LDB2: variants seen among roughly 807,000 people sequenced by gnomAD.
LDB2 encodes the protein LIM domain-binding protein 2.
LDB2 carries 12 observed loss-of-function variants against 44.3 expected under a neutral mutation model. The ratio of observed to expected loss-of-function variants is 0.27; its 90% CI spans 0.17 to 0.44. The LOEUF (loss-of-function observed/expected upper bound fraction) is 0.44, where lower values mean the gene tolerates loss of function less well. Among genes scored for constraint, LDB2 ranks in the 20% least tolerant of loss-of-function variants. The pLI is 1.00. For missense variants in LDB2, 344 were observed against 473.5 expected, an observed-to-expected ratio of 0.73 and a Z score of 2.54; for synonymous variants, 164 against 174.8, an observed-to-expected ratio of 0.94 and a Z score of 0.49.
At chr4:16,748,133 G>C (rs1764749126) in intron 2 of LDB2, among the ~76,000 whole-genome samples, 1 of 152,112 alleles carries the variant, frequency 6.6e-6, no homozygotes, top group Non-Finnish European at 1.5e-5. Flanking sequence ...TTATCACCAG[G>C]CTCCCAGGTG....
At chr4:16,548,805 A>G (rs1226542618) in intron 5 of LDB2, among the ~76,000 whole-genome samples, 2 of 152,244 alleles carry the variant, frequency 1.3e-5, no homozygotes, top group Non-Finnish European at 2.9e-5. Context: ...AACACCCTAC[A>G]GTCTGCTGAC....
intron 5 of LDB2, among the ~76,000 whole-genome samples, chr4:16,516,155 A>G (rs1723642309): frequency 6.6e-6 from 1 of 151,910 alleles, no homozygotes; most frequent in Non-Finnish European, 1.5e-5. Context: ...GTGAGCCACC[A>G]CGCCCAGCCT....
intron 2 of LDB2, among the ~76,000 whole-genome samples, chr4:16,688,146 T>TAA (rs1263374772): frequency 6.6e-6 from 1 of 152,206 alleles, no homozygotes; most frequent in African/African-American, 2.4e-5. Context: ...TGTTGGACCT[T>TAA]AAAGTTCGCA....
At chr4:16,606,705 C>T (rs10030983) in intron 2 of LDB2, among the ~76,000 whole-genome samples, 148,729 of 152,350 alleles carry the variant, frequency 0.98, 72,618 homozygotes, top group East Asian at 0.99. Context: ...CACTTGGCTG[C>T]ATGGAAAAAT....
intron 2 of LDB2, among the ~76,000 whole-genome samples, chr4:16,678,196 A>G (rs544064278): frequency 1.4e-4 from 22 of 152,368 alleles, no homozygotes; most frequent in Non-Finnish European, 2.6e-4. Flanking sequence ...TTTCTTGATT[A>G]TGAAGCATTT....
At chr4:16,743,662 G>T (rs1763795115) in intron 2 of LDB2, among the ~76,000 whole-genome samples, 1 of 151,948 alleles carries the variant, frequency 6.6e-6, no homozygotes, top group African/African-American at 2.4e-5. Flanking sequence ...GGGAGCAGTA[G>T]AAGACCTCCA....
chr4:16,870,158 T>C (rs1488438982), intron 1 of LDB2, among the ~76,000 whole-genome samples: 1 of 152,068 alleles, frequency 6.6e-6, no homozygotes, highest in Admixed American at 6.5e-5. Context: ...GAAGATGCCG[T>C]GGATTCAGTG....
At chr4:16,514,204 A>T (rs1487819854) in intron 5 of LDB2, among the ~76,000 whole-genome samples, 1 of 152,216 alleles carries the variant, frequency 6.6e-6, no homozygotes, top group Non-Finnish European at 1.5e-5. Flanking sequence ...TTGGGTCTTC[A>T]TTCTCAAGGC....
chr4:16,707,347 G>A (rs1296532113), intron 2 of LDB2, among the ~76,000 whole-genome samples: 1 of 151,994 alleles, frequency 6.6e-6, no homozygotes, highest in African/African-American at 2.4e-5. Context: ...CTAACCTTTA[G>A]AGCACAAAAT....
intron 5 of LDB2, 200 bp from the exon 6 acceptor site, chr4:16,512,304 T>C (rs1722039096): frequency 2.0e-6 from 1 of 507,034 alleles, no homozygotes; most frequent in Non-Finnish European, 3.4e-6. Context: ...TATAATATAT[T>C]ACAGCTGAAT....
At chr4:16,835,692 T>C (rs1000293547) in intron 1 of LDB2, among the ~76,000 whole-genome samples, 1 of 152,192 alleles carries the variant, frequency 6.6e-6, no homozygotes, top group Non-Finnish European at 1.5e-5. Context: ...TTAAAAGTGG[T>C]TTTACTATTT....
At chr4:16,650,101 TTA>T (rs1737852859) in intron 2 of LDB2, among the ~76,000 whole-genome samples, 3 of 152,188 alleles carry the variant, frequency 2.0e-5, no homozygotes, top group Admixed American at 2.0e-4. Context: ...GCAAGGAGTG[TTA>T]GAAGAAGAAT....
intron 5 of LDB2, among the ~76,000 whole-genome samples, chr4:16,564,559 T>A (rs1190495396): frequency 6.6e-6 from 1 of 152,206 alleles, no homozygotes; most frequent in Non-Finnish European, 1.5e-5. Context: ...CTTATTCAAC[T>A]TAATCATCAA....
chr4:16,554,022 C>T (rs1186009384), intron 5 of LDB2, among the ~76,000 whole-genome samples: 1 of 152,036 alleles, frequency 6.6e-6, no homozygotes, highest in African/African-American at 2.4e-5. Context: ...CCTGACATCC[C>T]ATTGGACGTA....
intron 5 of LDB2, among the ~76,000 whole-genome samples, chr4:16,532,626 C>T (rs772207601): frequency 6.6e-5 from 10 of 152,204 alleles, no homozygotes; most frequent in Admixed American, 1.3e-4. Flanking sequence ...CTTCTTAAAT[C>T]AGCTGCAAAT....
At chr4:16,662,818 A>G (rs1741986178) in intron 2 of LDB2, among the ~76,000 whole-genome samples, 1 of 151,544 alleles carries the variant, frequency 6.6e-6, no homozygotes. Flanking sequence ...TGGAAATGTG[A>G]GTCCATTATA....
intron 2 of LDB2, among the ~76,000 whole-genome samples, chr4:16,720,797 G>A (rs1396355538): frequency 3.9e-5 from 6 of 152,174 alleles, no homozygotes; most frequent in Admixed American, 6.5e-5. Context: ...GAATTACCAT[G>A]TTGCAGCAAA....
At chr4:16,610,546 G>A (rs1725320892) in intron 2 of LDB2, among the ~76,000 whole-genome samples, 1 of 152,086 alleles carries the variant, frequency 6.6e-6, no homozygotes, top group Non-Finnish European at 1.5e-5. Context: ...GAAACACACA[G>A]CATGAGAACA....
At chr4:16,880,517 C>T (rs1719745219) in intron 1 of LDB2, among the ~76,000 whole-genome samples, 1 of 152,194 alleles carries the variant, frequency 6.6e-6, no homozygotes, top group Admixed American at 6.5e-5. Context: ...AGGAACAGCG[C>T]TTGTCTGCAT....
Sources: allele counts gnomAD v4.1 joint callset (sites outside exome capture counted in the v4.1 genomes callset), GRCh38; gene constraint gnomAD v4.1.1; transcripts MANE v1.5; gene names NCBI Gene and HGNC (gene_info 2026-07-23, HGNC 2026-07-21).